KIRREL1: variants seen among roughly 807,000 people sequenced by gnomAD.
KIRREL1 encodes the protein kin of IRRE-like protein 1.
KIRREL1 carries 25 observed loss-of-function variants against 83.3 expected under a neutral mutation model. The ratio of observed to expected loss-of-function variants is 0.30; its 90% confidence interval spans 0.22 to 0.42. The LOEUF is 0.42. Among genes scored for constraint, KIRREL1 ranks in the 10% least tolerant of loss-of-function variants. The pLI, the probability that KIRREL1 is intolerant of heterozygous loss-of-function variation, is 1.00. For synonymous variants in KIRREL1, 388 were observed against 410.4 expected, an observed-to-expected ratio of 0.95 and a Z score of 0.66; for missense variants, 812 against 1,032.3, an observed-to-expected ratio of 0.79 and a Z score of 2.92.
chr1:158,073,519 T>A (rs1661579697), intron 1 of KIRREL1, among the ~76,000 whole-genome samples: 1 of 152,184 alleles, frequency 6.6e-6, no homozygotes, highest in Non-Finnish European at 1.5e-5. Flanking sequence ...ATTCCCCAGT[T>A]TACCAGGCAG....
intron 1 of KIRREL1, among the ~76,000 whole-genome samples, chr1:158,058,505 C>G (rs779296283): frequency 2.0e-5 from 3 of 152,190 alleles, no homozygotes; most frequent in African/African-American, 7.2e-5. Flanking sequence ...TTTTCCACCC[C>G]CTCCCTCAAA....
At chr1:158,021,374 T>TG (rs1359449528) in intron 1 of KIRREL1, among the ~76,000 whole-genome samples, 1 of 152,194 alleles carries the variant, frequency 6.6e-6, no homozygotes, top group African/African-American at 2.4e-5. Flanking sequence ...TTCAGTCAGC[T>TG]GGTGAAAGTA....
intron 1 of KIRREL1, among the ~76,000 whole-genome samples, chr1:158,012,672 A>G (rs1659720660): frequency 1.3e-5 from 2 of 152,258 alleles, no homozygotes; most frequent in African/African-American, 2.4e-5. Context: ...CATGGAATTC[A>G]TAAGTCCTGT....
intron 4 of KIRREL1, among the ~76,000 whole-genome samples, chr1:158,085,818 T>G (rs973163747): frequency 6.6e-6 from 1 of 152,186 alleles, no homozygotes; most frequent in African/African-American, 2.4e-5. Context: ...TGAGCAAGTG[T>G]AAGACTTCGA....
intron 1 of KIRREL1, among the ~76,000 whole-genome samples, chr1:158,033,291 C>G (rs569250964): frequency 6.6e-6 from 1 of 152,248 alleles, no homozygotes; most frequent in Non-Finnish European, 1.5e-5. Flanking sequence ...AGGCTGGTCT[C>G]AGACTCCTGA....
intron 1 of KIRREL1, among the ~76,000 whole-genome samples, chr1:158,016,173 G>A (rs7521855): frequency 0.95 from 143,681 of 151,994 alleles, 68,134 homozygotes; most frequent in East Asian, 1. Context: ...GTGTAGTGGC[G>A]TCTGCCTGTA....
At chr1:158,038,938 A>G (rs1043622880) in intron 1 of KIRREL1, among the ~76,000 whole-genome samples, 4 of 152,246 alleles carry the variant, frequency 2.6e-5, no homozygotes, top group African/African-American at 9.6e-5. Context: ...TCCACAGACT[A>G]TAAAGAACAG....
rs1168025659 is a variant in KIRREL1 at position 158,099,515 on chromosome 1, G to A, written c.*4395G>A. On this transcript the variant is annotated 3_prime_UTR_variant, in exon 15 of 15. Coordinates refer to ENST00000359209, the MANE Select transcript of KIRREL1 (RefSeq NM_018240.7). ...AGGAAGGGGGTGTGTGTGGGGGTTA[G>A]TGGGGAATCCCATTTTTTTGCATCA... 6.6e-6 allele frequency: 1 copy of A among 152,198 alleles called. No homozygotes were observed. Among genetic ancestry groups the A allele is most frequent in the East Asian group, 1.9e-4 (1 of 5,190 alleles). The allele number at this position is 152,198 out of a possible 1,614,324, so 9.4% of individuals were successfully genotyped here.
intron 1 of KIRREL1, among the ~76,000 whole-genome samples, chr1:158,005,721 G>A (rs570750556): frequency 2.0e-5 from 3 of 152,210 alleles, no homozygotes; most frequent in Admixed American, 1.3e-4. Context: ...ACTTAATTGG[G>A]TGCATGATTT....
intron 1 of KIRREL1, among the ~76,000 whole-genome samples, chr1:158,066,046 G>A (rs1370530363): frequency 1.3e-5 from 2 of 151,506 alleles, no homozygotes; most frequent in Non-Finnish European, 2.9e-5. Flanking sequence ...AGTGAAGGAG[G>A]GTTTCCAGGA....
At chr1:158,080,340 T>C (rs995867533) in intron 3 of KIRREL1, among the ~76,000 whole-genome samples, 1 of 152,092 alleles carries the variant, frequency 6.6e-6, no homozygotes, top group Non-Finnish European at 1.5e-5. Flanking sequence ...GCAGTAACAA[T>C]GTCTTATAAT....
intron 1 of KIRREL1, among the ~76,000 whole-genome samples, chr1:158,024,109 G>A (rs1660086214): frequency 6.6e-6 from 1 of 151,622 alleles, no homozygotes; most frequent in Non-Finnish European, 1.5e-5. Flanking sequence ...CACTGCACCT[G>A]GCTAATTTTT....
chr1:158,037,461 C>G (rs1033366352), intron 1 of KIRREL1, among the ~76,000 whole-genome samples: 1 of 146,432 alleles, frequency 6.8e-6, no homozygotes, highest in African/African-American at 2.6e-5. Flanking sequence ...CCACTGCACT[C>G]CAGCCTGGCG....
intron 1 of KIRREL1, among the ~76,000 whole-genome samples, chr1:158,037,926 T>C (rs1660520358): frequency 3.3e-5 from 5 of 152,250 alleles, no homozygotes; most frequent in African/African-American, 1.2e-4. Context: ...GCCTGGCTGA[T>C]GGACTTCCTG....
chr1:158,087,833 C>T lies in KIRREL1; in HGVS notation c.740C>T (p.Thr247Ile), dbSNP rs771163236. ...CGTGTTGTCTTTACCTGCCAGGCCA[C>T]AGCCAACCCCGAGATCTTGGGCTAC... is the stretch of plus-strand genomic sequence containing the variant. ...GERVVFTCQA[T>I]ANPEILGYRW... Residue 247 changes from threonine (T) to isoleucine (I), a missense_variant, in exon 6 of 15, where the codon ACA becomes ATA. This residue lies in a region of KIRREL1 where 472 missense variants were observed against 626.8 expected (regional missense o/e 0.75). Coordinates refer to ENST00000359209, the MANE Select transcript of KIRREL1 (RefSeq NM_018240.7). 3 of 1,613,876 alleles carry T rather than the reference C, an allele frequency of 1.9e-6. No individual in the cohort carries two copies. The South Asian group carries it at 3.3e-5, about 18-fold the overall frequency.
chr1:158,058,584 C>A (rs1238251692), intron 1 of KIRREL1, among the ~76,000 whole-genome samples: 1 of 152,096 alleles, frequency 6.6e-6, no homozygotes, highest in South Asian at 2.1e-4. Context: ...AATTCTGACA[C>A]CTAGGTTTCT....
At chr1:158,088,544 G>T in intron 8 of KIRREL1, 90 bp downstream of exon 8, 1 of 1,167,778 alleles carries the variant, frequency 8.6e-7, no homozygotes, top group Non-Finnish European at 1.2e-6. Flanking sequence ...GAGTGCAGTG[G>T]CGCGATCTCG....
At chr1:158,020,341 C>A (rs1039085454) in intron 1 of KIRREL1, among the ~76,000 whole-genome samples, 1 of 152,160 alleles carries the variant, frequency 6.6e-6, no homozygotes, top group East Asian at 1.9e-4. Flanking sequence ...TCAAGATGCA[C>A]CCCCCATGCC....
In KIRREL1 at chr1:158,089,832, C is replaced by T; in HGVS notation, c.1272+14C>T. 4.3e-6 allele frequency: 7 copies of T among 1,610,578 alleles called. No homozygotes were observed. Among genetic ancestry groups the T allele is most frequent in the Non-Finnish European group, 5.9e-6 (7 of 1,176,922 alleles). ...CCAGACCGCATAGTGAGTGGCGGAC[C>T]TGCCTGCGGACAGCCAGCCCTCCCT... On this transcript the variant is annotated intron_variant, in intron 10 of 14. Coordinates refer to ENST00000359209, the MANE Select transcript of KIRREL1 (RefSeq NM_018240.7).
Sources: gnomAD v4.1 joint callset for allele counts (sites outside exome capture counted in the v4.1 genomes callset) on GRCh38, gnomAD v4.1.1 for gene constraint, gnomAD v4.1.1 regional missense constraint, MANE v1.5 for transcripts, NCBI Gene and HGNC (gene_info 2026-07-23, HGNC 2026-07-21) for gene names.